The following ERC2 variants were observed in gnomAD, a reference collection of about 807,000 sequenced individuals.
ERC2 encodes the protein ELKS/RAB6-interacting/CAST family member 2, also known as ERC protein 2.
In ERC2, 42 loss-of-function variants were observed where a neutral mutation model predicts 114.8. The ratio of observed to expected loss-of-function variants is 0.37; its 90% confidence interval spans 0.29 to 0.47. The LOEUF (loss-of-function observed/expected upper bound fraction) is 0.47. Ranked by LOEUF, ERC2 falls within the 20% of genes least tolerant of loss-of-function variation. ERC2 has a pLI of 0.99. For missense variants in ERC2, 939 were observed against 1,150.7 expected (o/e 0.82, Z 2.66); for synonymous variants, 454 against 425.5 (o/e 1.07, Z -0.82).
At position 56,139,599 on chromosome 3, in the gene ERC2, G is replaced by T; in HGVS notation, c.1383C>A (p.Ser461Arg). The part of the protein sequence containing the change: ...LALQTKLETL[S>R]NQNSDCKQHI... ...GTTGCTTGCAATCTGAATTTTGATT[G>T]CTGAGGGTTTCAAGCTTTGTTTGTA... The change falls in exon 6 of 18, where the codon AGC becomes AGA. Residue 461 changes from serine to arginine, a missense_variant. Coordinates refer to ENST00000288221, the MANE Select transcript of ERC2 (RefSeq NM_015576.3). The T allele has an allele frequency of 6.2e-7, 1 of 1,613,418 alleles. No homozygotes were observed. The highest frequency in any genetic ancestry group is 8.5e-7 in the Non-Finnish European group (1 of 1,179,696).
At chr3:56,413,889 T>C (rs931913582) in intron 2 of ERC2, among the ~76,000 whole-genome samples, 1 of 152,226 alleles carries the variant, frequency 6.6e-6, no homozygotes, top group African/African-American at 2.4e-5. Context: ...ACTGGGCCTA[T>C]GCACACATGT....
At chr3:55,732,464 A>G (rs709343) in intron 15 of ERC2, among the ~76,000 whole-genome samples, 120,637 of 152,054 alleles carry the variant, frequency 0.79, 47,996 homozygotes, top group South Asian at 0.89. Context: ...TGCGTAGCTG[A>G]GGTTTCCCAA....
intron 17 of ERC2, among the ~76,000 whole-genome samples, chr3:55,609,039 G>A (rs2058766187): frequency 6.6e-6 from 1 of 152,132 alleles, no homozygotes; most frequent in South Asian, 2.1e-4. Flanking sequence ...CCACTCTGAT[G>A]GAACGATTAC....
intron 14 of ERC2, among the ~76,000 whole-genome samples, chr3:55,858,746 G>A (rs2061895564): frequency 6.6e-6 from 1 of 152,144 alleles, no homozygotes; most frequent in African/African-American, 2.4e-5. Context: ...TTTACAGCAG[G>A]CGCATCACAT....
intron 13 of ERC2, among the ~76,000 whole-genome samples, chr3:55,933,295 C>A (rs1404706261): frequency 6.6e-6 from 1 of 151,720 alleles, no homozygotes; most frequent in Non-Finnish European, 1.5e-5. Context: ...AGAAAGCCTA[C>A]CCTCTGTGCA....
At chr3:56,123,446 GAAAA>G in intron 6 of ERC2, among the ~76,000 whole-genome samples, 1 of 147,004 alleles carries the variant, frequency 6.8e-6, no homozygotes, top group Non-Finnish European at 1.5e-5. Context: ...AAACTGTGAG[GAAAA>G]AAAAAAATTC....
intron 5 of ERC2, among the ~76,000 whole-genome samples, chr3:56,148,421 G>T (rs1197181604): frequency 2.0e-5 from 3 of 152,086 alleles, no homozygotes; most frequent in Non-Finnish European, 4.4e-5. Context: ...GAGTAGCTGG[G>T]ATTACAGGTG....
rs539454632 is a variant in ERC2 at position 55,591,492 on chromosome 3, G to A, written c.*40-80216C>T. ...ACATGCGGACACTGAGACCCAGGGC[G>A]AAGGCAGGGCTTGGAAGATGTTGTT... is the stretch of plus-strand genomic sequence containing the variant. On this transcript the variant is annotated intron_variant, in intron 17 of 17. Coordinates refer to ENST00000288221, the MANE Select transcript of ERC2 (RefSeq NM_015576.3). 5.9e-5 allele frequency among the ~76,000 whole-genome samples: 9 copies of A among 152,170 alleles called. No individual in the cohort carries two copies. In the South Asian group the frequency reaches 1.7e-3, roughly 28 times the overall value.
At chr3:55,807,439 G>C (rs943849555) in intron 14 of ERC2, among the ~76,000 whole-genome samples, 3 of 152,262 alleles carry the variant, frequency 2.0e-5, no homozygotes, top group Admixed American at 2.0e-4. Context: ...ACCATGCTAG[G>C]GCAGGGGTAA....
At chr3:55,757,215 C>T (rs2067120596) in intron 14 of ERC2, among the ~76,000 whole-genome samples, 1 of 152,126 alleles carries the variant, frequency 6.6e-6, no homozygotes, top group Admixed American at 6.6e-5. Context: ...TGACATTCCC[C>T]AGCTTTAATG....
intron 17 of ERC2, among the ~76,000 whole-genome samples, chr3:55,550,598 G>A (rs1435721387): frequency 6.6e-6 from 1 of 152,178 alleles, no homozygotes; most frequent in Non-Finnish European, 1.5e-5. Flanking sequence ...TTGTTGCAGG[G>A]GATGGGGAGA....
intron 14 of ERC2, among the ~76,000 whole-genome samples, chr3:55,801,288 G>C (rs375075558): frequency 2.0e-5 from 3 of 152,290 alleles, no homozygotes; most frequent in African/African-American, 7.2e-5. Context: ...AAAGTCCCAG[G>C]AAATTCCCTG....
intron 4 of ERC2, among the ~76,000 whole-genome samples, chr3:56,167,547 A>G (rs2082384571): frequency 6.6e-6 from 1 of 152,172 alleles, no homozygotes; most frequent in South Asian, 2.1e-4. Flanking sequence ...CTTGACCATC[A>G]CTTAAAAATC....
intron 6 of ERC2, among the ~76,000 whole-genome samples, chr3:56,090,314 TCTC>T (rs2077716583): frequency 6.6e-6 from 1 of 152,208 alleles, no homozygotes; most frequent in Non-Finnish European, 1.5e-5. Context: ...TTCAGATTTC[TCTC>T]CTGTCTGTAG....
At chr3:55,935,159 G>C (rs1393605611) in intron 13 of ERC2, among the ~76,000 whole-genome samples, 1 of 152,178 alleles carries the variant, frequency 6.6e-6, no homozygotes, top group East Asian at 1.9e-4. Flanking sequence ...TAAGGCTGCT[G>C]ATCAAAATAG....
chr3:56,130,810 T>C (rs2080159507), intron 6 of ERC2, among the ~76,000 whole-genome samples: 1 of 152,212 alleles, frequency 6.6e-6, no homozygotes, highest in South Asian at 2.1e-4. Context: ...AGCTAAAATC[T>C]GCAAAAGAGC....
intron 3 of ERC2, among the ~76,000 whole-genome samples, chr3:56,291,125 A>G (rs2055056102): frequency 6.6e-6 from 1 of 152,212 alleles, no homozygotes; most frequent in Non-Finnish European, 1.5e-5. Context: ...TGGTCTATTA[A>G]TCCATTTCTT....
At chr3:56,417,074 A>G (rs2061193027) in intron 2 of ERC2, among the ~76,000 whole-genome samples, 1 of 152,236 alleles carries the variant, frequency 6.6e-6, no homozygotes, top group African/African-American at 2.4e-5. Flanking sequence ...CTGTAGACTG[A>G]GATGAGCAAA....
At chr3:56,349,207 G>C (rs1158630749) in intron 2 of ERC2, among the ~76,000 whole-genome samples, 1 of 152,112 alleles carries the variant, frequency 6.6e-6, no homozygotes, top group Non-Finnish European at 1.5e-5. Flanking sequence ...GAGCAGGCCT[G>C]GTGTACACAC....
Sources: allele counts gnomAD v4.1 joint callset (sites outside exome capture counted in the v4.1 genomes callset), GRCh38; gene constraint gnomAD v4.1.1; transcripts MANE v1.5; gene names NCBI Gene and HGNC (gene_info 2026-07-23, HGNC 2026-07-21).